The following SAMMSON variants were observed in gnomAD, a reference collection of about 807,000 sequenced individuals.
SAMMSON encodes the protein survival associated mitochondrial melanoma specific oncogenic non-coding RNA, also known as long intergenic non-protein coding RNA 1212.
intron 2 of SAMMSON, among the ~76,000 whole-genome samples, chr3:70,428,697 G>A (rs1379606060): frequency 6.6e-6 from 1 of 152,118 alleles, no homozygotes. Context: ...ATAAAGTCCT[G>A]GCATTGGAAA....
intron 3 of SAMMSON, among the ~76,000 whole-genome samples, chr3:70,016,009 T>G (rs1290042494): frequency 6.6e-6 from 1 of 152,332 alleles, no homozygotes; most frequent in East Asian, 1.9e-4. Flanking sequence ...TTGTGAATAG[T>G]GCCGCAATAA....
intron 4 of SAMMSON, among the ~76,000 whole-genome samples, chr3:70,136,846 G>GTTTTT (rs397815985): frequency 6.6e-6 from 1 of 151,758 alleles, no homozygotes. Flanking sequence ...TTGAAGTTTT[G>GTTTTT]ATCTAAGTTT....
intron 2 of SAMMSON, among the ~76,000 whole-genome samples, chr3:70,426,913 T>C (rs552149153): frequency 1.3e-5 from 2 of 152,360 alleles, no homozygotes; most frequent in Non-Finnish European, 2.9e-5. Context: ...TCTGGATCAC[T>C]TTCACATTTA....
At chr3:70,167,258 TAATAA>T (rs1182218447) in intron 4 of SAMMSON, among the ~76,000 whole-genome samples, 5 of 152,002 alleles carry the variant, frequency 3.3e-5, no homozygotes, top group Admixed American at 1.3e-4. Flanking sequence ...TATAGTTGGC[TAATAA>T]AAATAAGTAG....
intron 6 of SAMMSON, among the ~76,000 whole-genome samples, chr3:70,260,800 T>C (rs1255422199): frequency 6.6e-6 from 1 of 152,042 alleles, no homozygotes; most frequent in South Asian, 2.1e-4. Context: ...CTATTGTCCC[T>C]CTTGGTGGGT....
rs552035581 is a variant in SAMMSON at position 70,425,665 on chromosome 3, C to G, written n.234-36895C>G. On this transcript the variant is annotated intron_variant and non_coding_transcript_variant, in intron 2 of 3. Transcript: ENST00000641053. ...ACTGACCTCATGATCCGCCCGCCTC[C>G]CAAAGTGCTGGGATTACAGGCATGA... 2.1e-3 allele frequency among the ~76,000 whole-genome samples: 326 copies of G among 152,016 alleles called. 1 individual carries two copies. The highest frequency in any genetic ancestry group is 7.5e-3 in the African/African-American group (313 of 41,468).
chr3:70,359,507 C>G (rs1018587358), intron 9 of SAMMSON, among the ~76,000 whole-genome samples: 1 of 152,106 alleles, frequency 6.6e-6, no homozygotes, highest in Non-Finnish European at 1.5e-5. Flanking sequence ...CACAAAAAAG[C>G]TGCTTAACTG....
intron 9 of SAMMSON, among the ~76,000 whole-genome samples, chr3:70,359,100 A>T (rs1023878153): frequency 6.6e-6 from 1 of 152,126 alleles, no homozygotes; most frequent in African/African-American, 2.4e-5. Flanking sequence ...GATTTGAAAA[A>T]ATATCAGAAA....
chr3:70,149,078 A>G (rs1383799923), intron 4 of SAMMSON, among the ~76,000 whole-genome samples: 3 of 152,082 alleles, frequency 2.0e-5, no homozygotes, highest in Non-Finnish European at 4.4e-5. Context: ...TTGGAGCTTG[A>G]TCTATCAGGC....
chr3:70,364,221 G>A (rs1055581283), intron 9 of SAMMSON, among the ~76,000 whole-genome samples: 2 of 148,752 alleles, frequency 1.3e-5, no homozygotes, highest in African/African-American at 4.9e-5. Context: ...TTATCTGTTA[G>A]GAGAAGTTAA....
chr3:70,156,064 G>A (rs550153673), intron 4 of SAMMSON, among the ~76,000 whole-genome samples: 11 of 151,940 alleles, frequency 7.2e-5, no homozygotes, highest in Admixed American at 2.0e-4. Context: ...GACTCAAAAC[G>A]AACCCTCTGC....
chr3:70,023,324 G>A (rs1288993598), intron 3 of SAMMSON, among the ~76,000 whole-genome samples: 1 of 151,914 alleles, frequency 6.6e-6, no homozygotes, highest in East Asian at 1.9e-4. Flanking sequence ...AGCCAGGCGT[G>A]GTGGCAGACG....
At chr3:70,220,564 A>T (rs1701453026) in intron 4 of SAMMSON, among the ~76,000 whole-genome samples, 2 of 152,320 alleles carry the variant, frequency 1.3e-5, no homozygotes, top group South Asian at 4.1e-4. Context: ...ATTTCAACAT[A>T]CAAAACTAAC....
intron 6 of SAMMSON, among the ~76,000 whole-genome samples, chr3:70,253,235 G>C (rs1010246398): frequency 6.6e-6 from 1 of 152,200 alleles, no homozygotes; most frequent in Admixed American, 6.5e-5. Context: ...GTGCCTTTTA[G>C]TGAAGTCCTG....
At chr3:70,051,803 T>G (rs748745841) in intron 3 of SAMMSON, among the ~76,000 whole-genome samples, 18 of 152,066 alleles carry the variant, frequency 1.2e-4, no homozygotes, top group Non-Finnish European at 2.2e-4. Context: ...TTTAATTTTA[T>G]TAAAGAGAAT....
At chr3:70,338,933 T>C (rs9861560) in intron 7 of SAMMSON, among the ~76,000 whole-genome samples, 2,016 of 152,200 alleles carry the variant, frequency 0.013, 31 homozygotes, top group African/African-American at 0.045. Flanking sequence ...AAAAAGAGCC[T>C]GCATTGCCAA....
chr3:70,384,973 A>C (rs1173593339), intron 9 of SAMMSON, among the ~76,000 whole-genome samples: 1 of 152,060 alleles, frequency 6.6e-6, no homozygotes, highest in African/African-American at 2.4e-5. Context: ...ATTTCAGTTA[A>C]TTTTAATAGC....
chr3:70,221,431 A>G (rs1701459390), intron 4 of SAMMSON, among the ~76,000 whole-genome samples: 1 of 152,100 alleles, frequency 6.6e-6, no homozygotes, highest in South Asian at 2.1e-4. Context: ...TAAACTGGTA[A>G]AGATTAGGAG....
intron 4 of SAMMSON, among the ~76,000 whole-genome samples, chr3:70,184,892 C>T (rs976988402): frequency 3.9e-5 from 6 of 152,170 alleles, no homozygotes; most frequent in Non-Finnish European, 8.8e-5. Context: ...GCATGCTGGA[C>T]CAGGTTTGCA....
Sources: allele counts gnomAD v4.1 joint callset (sites outside exome capture counted in the v4.1 genomes callset), GRCh38; gene constraint gnomAD v4.1.1; transcripts MANE v1.5; gene names NCBI Gene and HGNC (gene_info 2026-07-23, HGNC 2026-07-21).